The following PCDHA13 variants were observed in gnomAD, a reference collection of about 807,000 sequenced individuals.
The protein encoded by PCDHA13 is protocadherin alpha 13, also known as protocadherin alpha-13.
A neutral mutation model predicts 64.8 loss-of-function variants in PCDHA13; 54 were observed. The observed-to-expected ratio is 0.83, with a 90% CI of 0.67 to 1.04. The LOEUF (loss-of-function observed/expected upper bound fraction) is 1.04, where lower values mean the gene tolerates loss of function less well. Ranked by LOEUF, PCDHA13 falls within the 50% of genes least tolerant of loss-of-function variation. The probability of loss-of-function intolerance (pLI) is 0.00; values close to 1 mark genes in which losing one functional copy is unlikely to be tolerated. For synonymous variants in PCDHA13, 587 were observed against 564.4 expected, an observed-to-expected ratio of 1.04 and a Z score of -0.57; for missense variants, 1,248 against 1,254.3, an observed-to-expected ratio of 0.99 and a Z score of 0.08.
Position 140,882,902 on chromosome 5 carries a change from C to T in PCDHA13, c.634C>T (p.Leu212=), listed in dbSNP as rs1554176043. ...REEIQEHSLL[L]TASDGGKPEL... ...GGAAATTCAGGAACATAGTTTATTACTGACAGCCAGTGATGGAGGTAAACC... is the reference window on the plus strand; with the variant it reads ...GGAAATTCAGGAACATAGTTTATTATTGACAGCCAGTGATGGAGGTAAACC... Residue 212 remains leucine, a synonymous_variant, in exon 1 of 4, where the codon CTG becomes TTG. Coordinates refer to ENST00000289272, the MANE Select transcript of PCDHA13 (RefSeq NM_018904.3). The T allele has an allele frequency of 6.2e-7, 1 of 1,614,196 alleles. No homozygotes were observed. Among genetic ancestry groups the T allele is most frequent in the Admixed American group, 1.7e-5 (1 of 60,028 alleles).
intron 1 of PCDHA13, among the ~76,000 whole-genome samples, chr5:140,951,153 G>T (rs1585399827): frequency 3.4e-5 from 1 of 29,832 alleles, no homozygotes; most frequent in Admixed American, 3.1e-4. Context: ...ATTGAATATA[G>T]TTATAGTAGC....
At chr5:140,988,831 A>G (rs1005821454) in intron 3 of PCDHA13, 6 of 152,208 alleles carry the variant, frequency 3.9e-5, no homozygotes, top group Non-Finnish European at 7.3e-5. Flanking sequence ...AACAGAGATC[A>G]CGTGTCTCCT....
Position 140,883,965 on chromosome 5 carries a change from T to C in PCDHA13, c.1697T>C (p.Leu566Pro). 1 of 1,613,128 alleles carries C rather than the reference T, an allele frequency of 6.2e-7. No homozygotes were observed. The highest frequency in any genetic ancestry group is 8.5e-7 in the Non-Finnish European group (1 of 1,179,728). ...GAGAACGACAACGCTCCGGCGCTGC[T>C]GACGCCCGGGGCTGGCAGCGCGGGA... is the stretch of plus-strand genomic sequence containing the variant. ...LDENDNAPAL[L>P]TPGAGSAGGT... is the part of the protein sequence containing the mutation. Residue 566 changes from leucine (L) to proline (P), a missense_variant, in exon 1 of 4, where the codon CTG (leucine) becomes CCG (proline). Physicochemically the swap from Leu to Pro is moderately conservative, Grantham distance 98. Transcript: ENST00000289272.
Position 140,884,484 on chromosome 5 carries a change from T to C in PCDHA13, c.2216T>C (p.Leu739Pro). The C allele has an allele frequency of 1.2e-6, 2 of 1,613,922 alleles. No individual in the cohort carries two copies. The highest frequency in any genetic ancestry group is 1.7e-6 in the Non-Finnish European group (2 of 1,179,936). Residue 739 changes from leucine (L) to proline (P), a missense_variant, in exon 1 of 4, where the codon CTA (leucine) becomes CCA (proline). Physicochemically the swap from Leu to Pro is moderately conservative, Grantham distance 98. Transcript: ENST00000289272. ...EGACAPGKPT[L>P]VCSSAAGSWS... is the part of the protein sequence containing the mutation. ...GCGTGCGCGCCGGGCAAGCCCACTCTAGTGTGCTCCAGCGCGGCAGGGAGT... is the reference window on the plus strand; with the variant it reads ...GCGTGCGCGCCGGGCAAGCCCACTCCAGTGTGCTCCAGCGCGGCAGGGAGT...
In PCDHA13 at chr5:140,928,627, T is replaced by G. The variant is rs782634688; in HGVS notation, c.2394+43965T>G. The G allele has an allele frequency of 1.5e-5, 24 of 1,614,220 alleles. No homozygotes were observed. The highest frequency in any genetic ancestry group is 1.9e-5 in the Non-Finnish European group (23 of 1,180,026). On this transcript the variant is annotated intron_variant, in intron 1 of 3. Transcript: ENST00000289272. ...GCCCCGCTCTGCCAGGACTGGACAC[T>G]TGGTCACAAAAGTGGTAGCAGAGGA...
chr5:140,904,189 C>G (rs1436545458), intron 1 of PCDHA13, among the ~76,000 whole-genome samples: 1 of 151,968 alleles, frequency 6.6e-6, no homozygotes, highest in Non-Finnish European at 1.5e-5. Context: ...CCCCTTCCCA[C>G]CCTTTCCCCC....
intron 3 of PCDHA13, among the ~76,000 whole-genome samples, chr5:140,987,400 C>T (rs1554249169): frequency 1.3e-5 from 2 of 152,090 alleles, no homozygotes; most frequent in Middle Eastern, 3.2e-3. Context: ...AGGAAGCCAT[C>T]TGTTTATGGT....
intron 3 of PCDHA13, among the ~76,000 whole-genome samples, chr5:140,992,691 G>A (rs373170347): frequency 9.3e-4 from 142 of 152,244 alleles, no homozygotes; most frequent in Middle Eastern, 3.4e-3. Context: ...GGGTTGAGGG[G>A]TGGGTAATGT....
intron 1 of PCDHA13, among the ~76,000 whole-genome samples, chr5:140,963,203 AAAAC>A (rs1457721166): frequency 6.6e-6 from 1 of 152,100 alleles, no homozygotes; most frequent in African/African-American, 2.4e-5. Context: ...AATGAAAAAA[AAAAC>A]CTCGTGTTTA....
chr5:140,931,279 C>T (rs73793526), intron 1 of PCDHA13, among the ~76,000 whole-genome samples: 2,016 of 152,088 alleles, frequency 0.013, 37 homozygotes, highest in African/African-American at 0.046. Context: ...CTTTTATTTT[C>T]ATTGCTTTCT....
chr5:140,965,283 A>G (rs1342044804), intron 1 of PCDHA13, among the ~76,000 whole-genome samples: 1 of 152,200 alleles, frequency 6.6e-6, no homozygotes, highest in Non-Finnish European at 1.5e-5. Context: ...CACAGCATGG[A>G]AAGATTTCCT....
chr5:140,993,460 TCTCACACACACA>T (rs2097560533), intron 3 of PCDHA13, among the ~76,000 whole-genome samples: 2 of 104,506 alleles, frequency 1.9e-5, no homozygotes, highest in South Asian at 3.7e-4. Context: ...CTTCTTTCTT[TCTCACACACACA>T]CACACACACA....
intron 1 of PCDHA13, among the ~76,000 whole-genome samples, chr5:140,964,981 T>C (rs2095867317): frequency 6.6e-6 from 1 of 152,188 alleles, no homozygotes; most frequent in Non-Finnish European, 1.5e-5. Context: ...ATGTGCTAGT[T>C]CAGGCCTTTG....
At chr5:140,927,297 G>C in intron 1 of PCDHA13, 1 of 1,614,150 alleles carries the variant, frequency 6.2e-7, no homozygotes, top group Non-Finnish European at 8.5e-7. Context: ...ACATCCCCGA[G>C]TTCCTGACGC....
At chr5:140,961,205 T>C (rs1215243152) in intron 1 of PCDHA13, among the ~76,000 whole-genome samples, 2 of 152,172 alleles carry the variant, frequency 1.3e-5, no homozygotes, top group Non-Finnish European at 2.9e-5. Context: ...GAGGTTGGTA[T>C]TGATGAAGAA....
At position 140,982,704 on chromosome 5, in the gene PCDHA13, C is replaced by T. The variant is rs1393323812; in HGVS notation, c.2542+141C>T. ...CTTTTTTCCATACATACATGATTTCCTTACATATATGATTATTTTGATTTT... is the reference window on the plus strand; with the variant it reads ...CTTTTTTCCATACATACATGATTTCTTTACATATATGATTATTTTGATTTT... On this transcript the variant is annotated intron_variant, in intron 3 of 3. Coordinates refer to ENST00000289272, the MANE Select transcript of PCDHA13 (RefSeq NM_018904.3). 8 of 1,377,410 alleles carry T rather than the reference C, an allele frequency of 5.8e-6. No homozygotes were observed. In the African/African-American group the frequency reaches 1.2e-4, roughly 20 times the overall value. The allele number at this position is 1,377,410 out of a possible 1,614,324, so 85.3% of individuals were successfully genotyped here. A position where few individuals can be genotyped will look rare whatever the true frequency, so the allele number is the denominator to read the frequency against.
Position 140,928,140 on chromosome 5 carries a change from G to GGCC in PCDHA13, c.2394+43479_2394+43481dup. 3 of 1,614,154 alleles carry GGCC rather than the reference G, an allele frequency of 1.9e-6. No homozygotes were observed. The South Asian group carries it at 3.3e-5, about 18-fold the overall frequency. On this transcript the variant is annotated intron_variant, in intron 1 of 3. Transcript: ENST00000289272. ...TCAGTGAATACCAAGTCCTGATCAC[G>GGCC]GCCTCAGATAGTGGCTCACCCCCAC...
At chr5:140,956,754 C>T (rs1470553559) in intron 1 of PCDHA13, among the ~76,000 whole-genome samples, 5 of 152,140 alleles carry the variant, frequency 3.3e-5, no homozygotes, top group African/African-American at 1.2e-4. Flanking sequence ...TGATAGAATT[C>T]AGCTGTAAAT....
chr5:140,906,585 C>T (rs782305409), intron 1 of PCDHA13, among the ~76,000 whole-genome samples: 1 of 152,208 alleles, frequency 6.6e-6, no homozygotes, highest in Non-Finnish European at 1.5e-5. Context: ...TTGATGACTA[C>T]CTTCCTCTAC....
Sources: allele counts gnomAD v4.1 joint callset (sites outside exome capture counted in the v4.1 genomes callset), GRCh38; gene constraint gnomAD v4.1.1; transcripts MANE v1.5; gene names NCBI Gene and HGNC (gene_info 2026-07-23, HGNC 2026-07-21).